Variants in EMCN observed in about 807,000 individuals in gnomAD.
The protein encoded by EMCN is endomucin, also known as MUC-14.
Under a neutral mutation model 38.4 loss-of-function variants are expected in EMCN, and 37 were observed. That is an observed-to-expected ratio of 0.96 (90% CI 0.74 to 1.27). The LOEUF (loss-of-function observed/expected upper bound fraction) is 1.27. Ranked by LOEUF, EMCN falls within the 50% of genes most tolerant of loss-of-function variation. The pLI, the probability that EMCN is intolerant of heterozygous loss-of-function variation, is 0.00. For missense variants in EMCN, 318 were observed against 302.8 expected (o/e 1.05, Z -0.37); for synonymous variants, 95 against 100.8 (o/e 0.94, Z 0.35).
At chr4:100,461,441 C>T (rs551523471) in intron 4 of EMCN, among the ~76,000 whole-genome samples, 13 of 152,144 alleles carry the variant, frequency 8.5e-5, no homozygotes, top group South Asian at 4.2e-4. Flanking sequence ...TAATATACAA[C>T]GATTTATCAC....
At chr4:100,484,221 T>C (rs1008505249) in intron 1 of EMCN, among the ~76,000 whole-genome samples, 3 of 152,136 alleles carry the variant, frequency 2.0e-5, no homozygotes, top group South Asian at 2.1e-4. Context: ...AAGTTCAATA[T>C]AGGAAATTCC....
intron 5 of EMCN, among the ~76,000 whole-genome samples, chr4:100,438,137 A>G (rs1226325221): frequency 6.6e-6 from 1 of 152,052 alleles, no homozygotes; most frequent in Non-Finnish European, 1.5e-5. Flanking sequence ...CTAAGGACAG[A>G]TGGTCCTCAA....
chr4:100,503,153 G>T (rs1449141071), intron 1 of EMCN, among the ~76,000 whole-genome samples: 2 of 151,908 alleles, frequency 1.3e-5, no homozygotes, highest in African/African-American at 2.4e-5. Context: ...ATAAAATTTT[G>T]TATAACTTCC....
In EMCN at chr4:100,411,950, G is replaced by GT. The variant is rs548008583; in HGVS notation, c.752-1596dup. ...ATGTTTTGTTCATTTTTACTCTGTG[G>GT]TTTTTTTTTGTTGTTAATGAACTTT... is the stretch of plus-strand genomic sequence containing the variant. On this transcript the variant is annotated intron_variant, in intron 10 of 11. Coordinates refer to ENST00000296420, the MANE Select transcript of EMCN (RefSeq NM_016242.4). Among the ~76,000 whole-genome samples the GT allele has an allele frequency of 2.0e-3, 299 of 151,162 alleles. 1 individual carries two copies. Among genetic ancestry groups the GT allele is most frequent in the South Asian group, 7.7e-3 (37 of 4,782 alleles).
intron 5 of EMCN, among the ~76,000 whole-genome samples, chr4:100,434,009 A>G (rs1727277391): frequency 6.6e-6 from 1 of 152,184 alleles, no homozygotes; most frequent in African/African-American, 2.4e-5. Flanking sequence ...GGCAGAAGAC[A>G]AGAAATAACC....
At chr4:100,404,249 T>A (rs1726335619) in intron 11 of EMCN, among the ~76,000 whole-genome samples, 1 of 152,158 alleles carries the variant, frequency 6.6e-6, no homozygotes, top group Non-Finnish European at 1.5e-5. Flanking sequence ...AAGGTAAGGA[T>A]CCAGTTTTAA....
intron 3 of EMCN, among the ~76,000 whole-genome samples, chr4:100,472,919 T>TATAG (rs142505285): frequency 3.3e-5 from 5 of 150,276 alleles, no homozygotes; most frequent in African/African-American, 1.2e-4. Flanking sequence ...GGTTATGTTT[T>TATAG]ATAGATAGAT....
At chr4:100,440,463 T>C (rs559069037) in intron 5 of EMCN, among the ~76,000 whole-genome samples, 3 of 152,120 alleles carry the variant, frequency 2.0e-5, no homozygotes, top group Non-Finnish European at 4.4e-5. Flanking sequence ...ATAGCTTAGC[T>C]CCCACTTGTA....
At chr4:100,443,080 C>T (rs759469114) in intron 5 of EMCN, among the ~76,000 whole-genome samples, 3 of 152,218 alleles carry the variant, frequency 2.0e-5, no homozygotes, top group Non-Finnish European at 4.4e-5. Context: ...GAACTCCTGA[C>T]TTCAAGTGAT....
At chr4:100,438,099 T>A (rs1727407320) in intron 5 of EMCN, among the ~76,000 whole-genome samples, 1 of 152,098 alleles carries the variant, frequency 6.6e-6, no homozygotes, top group Admixed American at 6.6e-5. Flanking sequence ...AGTATACAAA[T>A]GTTTCACTTT....
At chr4:100,467,074 T>A (rs1728336729) in intron 3 of EMCN, among the ~76,000 whole-genome samples, 1 of 152,110 alleles carries the variant, frequency 6.6e-6, no homozygotes, top group Non-Finnish European at 1.5e-5. Context: ...TAGCTGGGAA[T>A]GCAATGCCAA....
At chr4:100,484,754 C>T (rs1728896540) in intron 1 of EMCN, among the ~76,000 whole-genome samples, 1 of 151,994 alleles carries the variant, frequency 6.6e-6, no homozygotes, top group East Asian at 1.9e-4. Flanking sequence ...GATTTGAGAT[C>T]GGGAAATAAA....
chr4:100,442,555 TCTTC>T (rs1339270628), intron 5 of EMCN, among the ~76,000 whole-genome samples: 1 of 123,562 alleles, frequency 8.1e-6, no homozygotes, highest in Non-Finnish European at 1.7e-5. Flanking sequence ...TTGTAGGCTG[TCTTC>T]ACTATTTTTT....
intron 4 of EMCN, among the ~76,000 whole-genome samples, chr4:100,455,234 G>C (rs1442410916): frequency 2.0e-5 from 3 of 151,764 alleles, no homozygotes; most frequent in Non-Finnish European, 1.5e-5. Context: ...TTGTGCCATT[G>C]TTATACATTT....
rs551307366 is a variant in EMCN, at chr4:100,453,395, T to C, written c.377-5824A>G. 3.9e-5 allele frequency among the ~76,000 whole-genome samples: 6 copies of C among 152,292 alleles called. No homozygotes were observed. In the East Asian group the frequency reaches 1.2e-3, roughly 29 times the overall value. On this transcript the variant is annotated intron_variant, in intron 4 of 11. Coordinates refer to ENST00000296420, the MANE Select transcript of EMCN (RefSeq NM_016242.4). Reference sequence around the variant, plus strand: ...CAGACACTTCTCAAAAGAAGACATTTATGCAGCCAAAAGACACATGAAAAA... The same window carrying C: ...CAGACACTTCTCAAAAGAAGACATTCATGCAGCCAAAAGACACATGAAAAA...
intron 1 of EMCN, among the ~76,000 whole-genome samples, chr4:100,489,069 G>C (rs72692133): frequency 0.19 from 28,571 of 152,110 alleles, 2,986 homozygotes; most frequent in Middle Eastern, 0.31. Flanking sequence ...CCATTTTATA[G>C]ATGGAGAAAC....
At chr4:100,492,799 A>T (rs562048667) in intron 1 of EMCN, among the ~76,000 whole-genome samples, 2 of 152,326 alleles carry the variant, frequency 1.3e-5, no homozygotes, top group African/African-American at 4.8e-5. Flanking sequence ...ATAATTTATT[A>T]CCAGAAAAAA....
chr4:100,411,950 GT>G lies in EMCN; in HGVS notation c.752-1596del, dbSNP rs548008583. Among the ~76,000 whole-genome samples the G allele has an allele frequency of 4.1e-3, 624 of 151,162 alleles. 4 individuals are homozygous for G. Among genetic ancestry groups the G allele is most frequent in the African/African-American group, 0.014 (578 of 41,216 alleles). On this transcript the variant is annotated intron_variant, in intron 10 of 11. Coordinates refer to ENST00000296420, the MANE Select transcript of EMCN (RefSeq NM_016242.4). ...ATGTTTTGTTCATTTTTACTCTGTG[GT>G]TTTTTTTTGTTGTTAATGAACTTTT...
At chr4:100,417,984 A>C (rs1044253159) in intron 8 of EMCN, among the ~76,000 whole-genome samples, 2 of 152,174 alleles carry the variant, frequency 1.3e-5, no homozygotes, top group African/African-American at 2.4e-5. Context: ...CCCTTTGAAT[A>C]TAATTCTCCT....
Sources: gnomAD v4.1 joint callset for allele counts (sites outside exome capture counted in the v4.1 genomes callset) on GRCh38, gnomAD v4.1.1 for gene constraint, MANE v1.5 for transcripts, NCBI Gene and HGNC (gene_info 2026-07-23, HGNC 2026-07-21) for gene names.